Variants in DNAH14 observed in about 807,000 individuals in gnomAD.
The protein encoded by DNAH14 is axonemal beta dynein heavy chain 14.
A neutral mutation model predicts 520.9 loss-of-function variants in DNAH14; 478 were observed. That is an observed-to-expected ratio of 0.92 (90% CI 0.85 to 0.99). The LOEUF (loss-of-function observed/expected upper bound fraction) is 0.99. DNAH14 is among the 50% of genes least tolerant of loss of function. The pLI, the probability that DNAH14 is intolerant of heterozygous loss-of-function variation, is 0.00. For synonymous variants in DNAH14, 1,581 were observed against 1,757.2 expected (o/e 0.90, Z 2.51); for missense variants, 4,831 against 5,234.5 (o/e 0.92, Z 2.38).
chr1:225,282,840 T>G (rs922782622), intron 54 of DNAH14, among the ~76,000 whole-genome samples: 2 of 152,216 alleles, frequency 1.3e-5, no homozygotes, highest in Non-Finnish European at 2.9e-5. Context: ...GGTCTTCTCT[T>G]CAGTGAATCA....
At chr1:225,051,383 G>T in intron 16 of DNAH14, 68 bp from the exon 17 acceptor site, 1 of 1,139,320 alleles carries the variant, frequency 8.8e-7, no homozygotes, top group Non-Finnish European at 1.2e-6. Context: ...GAAACTATTA[G>T]CATGCCAAAC....
rs1451452388 is a variant in DNAH14 at position 225,308,325 on chromosome 1, A to C, written c.9155A>C (p.Gln3052Pro). ...ATGGAAAAACTACGGAAAGATTCACAAGTAGTTGAGAAAGTTCAGATGCTT... is the reference window on the plus strand; with the variant it reads ...ATGGAAAAACTACGGAAAGATTCACCAGTAGTTGAGAAAGTTCAGATGCTT... ...TLMEKLRKDS[Q>P]VVEKVQMLVK... Residue 3052 changes from glutamine to proline, a missense_variant, in exon 60 of 86, where the codon CAA (glutamine) becomes CCA (proline). By Grantham distance (76) the Gln-to-Pro change is moderately conservative (BLOSUM62 -1). Transcript: ENST00000682510. 6.5e-7 allele frequency: 1 copy of C among 1,543,398 alleles called. No individual in the cohort carries two copies.
intron 17 of DNAH14, among the ~76,000 whole-genome samples, chr1:225,069,372 T>A (rs1336865212): frequency 1.3e-5 from 2 of 152,228 alleles, no homozygotes; most frequent in Non-Finnish European, 2.9e-5. Flanking sequence ...TATTTTGAGA[T>A]ATGTTCCTTC....
intron 41 of DNAH14, among the ~76,000 whole-genome samples, chr1:225,225,420 T>C (rs1298686397): frequency 6.6e-6 from 1 of 152,060 alleles, no homozygotes; most frequent in Non-Finnish European, 1.5e-5. Context: ...CCCACAAAAA[T>C]TAAAACTGAT....
intron 1 of DNAH14, among the ~76,000 whole-genome samples, chr1:224,937,883 C>T (rs929340178): frequency 1.8e-4 from 28 of 151,926 alleles, no homozygotes; most frequent in East Asian, 1.5e-3. Context: ...GAGAGAACCC[C>T]GGTATAAATT....
chr1:225,284,545 A>G (rs773412567), intron 54 of DNAH14, among the ~76,000 whole-genome samples: 2 of 152,170 alleles, frequency 1.3e-5, no homozygotes, highest in African/African-American at 4.8e-5. Context: ...TTCACCAGAG[A>G]TTTCTACCAA....
At chr1:224,986,441 G>T (rs893776613) in intron 8 of DNAH14, among the ~76,000 whole-genome samples, 2 of 151,670 alleles carry the variant, frequency 1.3e-5, no homozygotes, top group African/African-American at 4.8e-5. Context: ...TATTCATCAT[G>T]ACCAAATGGA....
At chr1:225,303,663 G>T (rs2150083134) in intron 57 of DNAH14, among the ~76,000 whole-genome samples, 1 of 152,226 alleles carries the variant, frequency 6.6e-6, no homozygotes, top group Admixed American at 6.5e-5. Flanking sequence ...CTATGGTAAG[G>T]ATGCTGCAAC....
intron 1 of DNAH14, among the ~76,000 whole-genome samples, chr1:224,949,796 A>C (rs2060058055): frequency 6.6e-6 from 1 of 152,146 alleles, no homozygotes; most frequent in Non-Finnish European, 1.5e-5. Flanking sequence ...GTAGTTTGTG[A>C]GCTGTGCATT....
chr1:225,148,558 T>C (rs1373651269), intron 31 of DNAH14, among the ~76,000 whole-genome samples: 3 of 151,940 alleles, frequency 2.0e-5, no homozygotes, highest in Non-Finnish European at 1.5e-5. Context: ...TGTGCCAGCA[T>C]GCCCGGCTAA....
intron 8 of DNAH14, among the ~76,000 whole-genome samples, chr1:224,984,376 T>TA (rs201044750): frequency 0.055 from 8,376 of 152,248 alleles, 470 homozygotes; most frequent in East Asian, 0.24. Flanking sequence ...TCTCTCACCT[T>TA]ATACAAAAAT....
chr1:225,140,508 A>T (rs1339749061), intron 27 of DNAH14, among the ~76,000 whole-genome samples: 3 of 152,170 alleles, frequency 2.0e-5, no homozygotes. Context: ...TTATTACTTA[A>T]GGTTGCTGGT....
In DNAH14 at chr1:225,080,381, A is replaced by G. The variant is rs1318915962; in HGVS notation, c.2769A>G (p.Ile923Met). The change falls in exon 19 of 86, where the codon ATA (isoleucine) becomes ATG (methionine). Residue 923 changes from isoleucine to methionine, a missense_variant and splice_region_variant. Coordinates refer to ENST00000682510, the MANE Select transcript of DNAH14 (RefSeq NM_001367479.1). ...AAAGTCCTACTCTTATTTTTTAGAT[A>G]AGAACTCCTCTTCTGTTATGTGCTG... ...HVDVGNLKAK[I>M]RTPLLLCAGT... 2.0e-6 allele frequency: 3 copies of G among 1,519,300 alleles called. No homozygotes were observed. Among genetic ancestry groups the G allele is most frequent in the African/African-American group, 2.8e-5 (2 of 71,708 alleles). The allele number at this position is 1,519,300 out of a possible 1,614,324, so 94.1% of individuals were successfully genotyped here. A position where few individuals can be genotyped will look rare whatever the true frequency, so the allele number is the denominator to read the frequency against.
chr1:225,217,434 G>T (rs982418323), intron 41 of DNAH14, among the ~76,000 whole-genome samples: 13 of 152,190 alleles, frequency 8.5e-5, no homozygotes, highest in African/African-American at 3.1e-4. Flanking sequence ...AAAGCTGTTA[G>T]ACAGGGACGT....
At chr1:225,213,859 A>G (rs932735413) in intron 41 of DNAH14, among the ~76,000 whole-genome samples, 25 of 152,148 alleles carry the variant, frequency 1.6e-4, no homozygotes, top group Non-Finnish European at 3.2e-4. Context: ...GCAAACAGGG[A>G]TAATTTGACT....
At chr1:225,390,089 C>T (rs888620935) in intron 83 of DNAH14, among the ~76,000 whole-genome samples, 1 of 152,112 alleles carries the variant, frequency 6.6e-6, no homozygotes, top group Non-Finnish European at 1.5e-5. Flanking sequence ...TCCACCCACC[C>T]CTATCAGATT....
At position 225,082,753 on chromosome 1, in the gene DNAH14, G is replaced by GT. The variant is rs1558900300; in HGVS notation, c.3327+20dup. 3.3e-6 allele frequency: 5 copies of GT among 1,530,474 alleles called. No individual in the cohort carries two copies. In the Admixed American group the frequency reaches 9.0e-5, roughly 28 times the overall value. 94.8% of individuals were successfully genotyped at this position (1,530,474 alleles called of 1,614,324 possible). A position where few individuals can be genotyped will look rare whatever the true frequency, so the allele number is the denominator to read the frequency against. On this transcript the variant is annotated intron_variant, in intron 20 of 85. Coordinates refer to ENST00000682510, the MANE Select transcript of DNAH14 (RefSeq NM_001367479.1). ...CTAGCTCTCAAGGTAAATAAAAATGGTTTTTTAAAAAAATAGGTTGAAATA... is the reference window on the plus strand; with the variant it reads ...CTAGCTCTCAAGGTAAATAAAAATGGTTTTTTTAAAAAAATAGGTTGAAATA...
chr1:225,072,731 A>T (rs1250391890), intron 17 of DNAH14, among the ~76,000 whole-genome samples: 7 of 152,140 alleles, frequency 4.6e-5, no homozygotes, highest in East Asian at 1.9e-4. Flanking sequence ...ATTTTTCCTT[A>T]ACAGTCTGGC....
chr1:225,070,416 CATT>C lies in DNAH14; in HGVS notation c.2425-8789_2425-8787del, dbSNP rs967992142. Among the ~76,000 whole-genome samples the C allele has an allele frequency of 8.5e-5, 13 of 152,156 alleles. 1 individual carries two copies. The highest frequency in any genetic ancestry group is 3.1e-4 in the African/African-American group (13 of 41,438). ...TTCTGGTACATTGTATATTTGTCCT[CATT>C]AATTTCAAAAAACTTCTTGATTTCT... On this transcript the variant is annotated intron_variant, in intron 17 of 85. Coordinates refer to ENST00000682510, the MANE Select transcript of DNAH14 (RefSeq NM_001367479.1).
Sources: gnomAD v4.1 joint callset for allele counts (sites outside exome capture counted in the v4.1 genomes callset) on GRCh38, gnomAD v4.1.1 for gene constraint, MANE v1.5 for transcripts, NCBI Gene and HGNC (gene_info 2026-07-23, HGNC 2026-07-21) for gene names.